ZFAND3: variants seen among roughly 807,000 people sequenced by gnomAD.
The protein encoded by ZFAND3 is zinc finger AN1-type containing 3.
In ZFAND3, 10 loss-of-function variants were observed where a neutral mutation model predicts 29.6. That is an observed-to-expected ratio of 0.34 (90% CI 0.21 to 0.57). The LOEUF is 0.57. Among genes scored for constraint, ZFAND3 ranks in the 20% least tolerant of loss-of-function variants. The pLI is 0.86. For synonymous variants in ZFAND3, 128 were observed against 112.6 expected (o/e 1.14, Z -0.87); for missense variants, 230 against 304.5 (o/e 0.76, Z 1.82).
chr6:37,839,110 G>A (rs1024876488), intron 1 of ZFAND3, among the ~76,000 whole-genome samples: 8 of 151,990 alleles, frequency 5.3e-5, no homozygotes, highest in Non-Finnish European at 1.0e-4. Flanking sequence ...ATCTACTTTG[G>A]AACAATGTCT....
chr6:38,036,746 T>C (rs1159220448), intron 2 of ZFAND3, among the ~76,000 whole-genome samples: 2 of 152,074 alleles, frequency 1.3e-5, no homozygotes, highest in African/African-American at 4.8e-5. Flanking sequence ...ATACTAAATA[T>C]ATGAGTATAT....
chr6:37,879,765 T>C (rs1764857497), intron 1 of ZFAND3, among the ~76,000 whole-genome samples: 1 of 152,212 alleles, frequency 6.6e-6, no homozygotes, highest in Non-Finnish European at 1.5e-5. Context: ...AGTTAGGGTA[T>C]GAAATACTGA....
chr6:38,114,041 A>C (rs1432721166), intron 4 of ZFAND3, among the ~76,000 whole-genome samples: 1 of 152,312 alleles, frequency 6.6e-6, no homozygotes, highest in East Asian at 1.9e-4. Flanking sequence ...GGCCCTCCAG[A>C]TTTTAATCAT....
At chr6:37,903,130 G>A (rs1213169673) in intron 1 of ZFAND3, among the ~76,000 whole-genome samples, 1 of 152,044 alleles carries the variant, frequency 6.6e-6, no homozygotes, top group Non-Finnish European at 1.5e-5. Context: ...GGTACATAAT[G>A]AGAATTTTTA....
chr6:37,840,716 A>G (rs1193330561), intron 1 of ZFAND3, among the ~76,000 whole-genome samples: 1 of 152,160 alleles, frequency 6.6e-6, no homozygotes, highest in Non-Finnish European at 1.5e-5. Flanking sequence ...TGAACATGGG[A>G]TATATTTTCA....
chr6:38,069,349 C>A (rs1438320471), intron 3 of ZFAND3, among the ~76,000 whole-genome samples: 1 of 152,090 alleles, frequency 6.6e-6, no homozygotes, highest in Non-Finnish European at 1.5e-5. Context: ...GTGTGTGTGT[C>A]TTTCTCTTTG....
chr6:37,899,162 G>A (rs913982561), intron 1 of ZFAND3, among the ~76,000 whole-genome samples: 1 of 152,198 alleles, frequency 6.6e-6, no homozygotes. Context: ...GCCTCCCAAA[G>A]TGCTGGGATT....
chr6:38,151,160 C>T (rs1237695335), intron 5 of ZFAND3, among the ~76,000 whole-genome samples: 2 of 152,330 alleles, frequency 1.3e-5, no homozygotes, highest in South Asian at 4.1e-4. Flanking sequence ...GGTGCAGCTG[C>T]GCCCTGAGTT....
intron 2 of ZFAND3, among the ~76,000 whole-genome samples, chr6:37,985,381 ACT>A (rs1271085576): frequency 6.6e-6 from 1 of 152,172 alleles, no homozygotes; most frequent in Non-Finnish European, 1.5e-5. Context: ...TAATCCAAGC[ACT>A]TTGGGAGGCT....
At chr6:38,143,380 C>T (rs73421889) in intron 5 of ZFAND3, among the ~76,000 whole-genome samples, 10,491 of 152,328 alleles carry the variant, frequency 0.069, 434 homozygotes, top group Non-Finnish European at 0.088. Flanking sequence ...TCTCTGAGAG[C>T]GATGTGACGG....
intron 2 of ZFAND3, among the ~76,000 whole-genome samples, chr6:38,006,042 C>T (rs1288341139): frequency 2.6e-5 from 4 of 152,212 alleles, no homozygotes; most frequent in African/African-American, 7.2e-5. Context: ...CAACTCTTCT[C>T]TGCATGGTGT....
intron 2 of ZFAND3, among the ~76,000 whole-genome samples, chr6:37,990,645 A>T (rs1288716989): frequency 1.3e-5 from 2 of 152,226 alleles, no homozygotes; most frequent in Non-Finnish European, 2.9e-5. Flanking sequence ...TACATGAAAT[A>T]TTTTAAAATA....
At chr6:37,864,804 T>A (rs1764559760) in intron 1 of ZFAND3, among the ~76,000 whole-genome samples, 1 of 151,936 alleles carries the variant, frequency 6.6e-6, no homozygotes, top group Non-Finnish European at 1.5e-5. Flanking sequence ...CACTCTATAT[T>A]TATTCTTTGG....
chr6:38,113,128 T>G (rs1765352008), intron 4 of ZFAND3, among the ~76,000 whole-genome samples: 1 of 152,168 alleles, frequency 6.6e-6, no homozygotes, highest in Non-Finnish European at 1.5e-5. Flanking sequence ...AAGGTGTGGA[T>G]CTCTTGCTAT....
chr6:38,033,246 T>C (rs1157367314), intron 2 of ZFAND3, among the ~76,000 whole-genome samples: 2 of 152,168 alleles, frequency 1.3e-5, no homozygotes, highest in African/African-American at 4.8e-5. Flanking sequence ...TCATATAATA[T>C]AGACTCTCAT....
chr6:38,095,671 G>A (rs1438188631), intron 4 of ZFAND3, among the ~76,000 whole-genome samples: 2 of 152,092 alleles, frequency 1.3e-5, no homozygotes, highest in Non-Finnish European at 2.9e-5. Context: ...TAGAGTTCCT[G>A]CATATCTGAA....
intron 3 of ZFAND3, chr6:38,062,330 T>C (rs990091253): frequency 6.6e-6 from 1 of 152,292 alleles, no homozygotes; most frequent in African/African-American, 2.4e-5. Context: ...ATTACTCTTC[T>C]GTAAGTCTTC....
intron 1 of ZFAND3, among the ~76,000 whole-genome samples, chr6:37,836,819 T>G (rs965392515): frequency 6.6e-6 from 1 of 152,242 alleles, no homozygotes; most frequent in Admixed American, 6.5e-5. Context: ...CTTCAACTTC[T>G]TAGTCTTCTA....
chr6:37,910,662 C>T (rs1765504047), intron 1 of ZFAND3, among the ~76,000 whole-genome samples: 1 of 152,110 alleles, frequency 6.6e-6, no homozygotes, highest in South Asian at 2.1e-4. Flanking sequence ...TAAGTATAAT[C>T]ACCATACAAT....
Sources: allele counts gnomAD v4.1 joint callset (sites outside exome capture counted in the v4.1 genomes callset), GRCh38; gene constraint gnomAD v4.1.1; transcripts MANE v1.5; gene names NCBI Gene and HGNC (gene_info 2026-07-23, HGNC 2026-07-21).